The following DLGAP1 variants were observed in gnomAD, a reference collection of about 807,000 sequenced individuals.
DLGAP1 encodes the protein DLG associated protein 1.
Under a neutral mutation model 90.8 loss-of-function variants are expected in DLGAP1, and 11 were observed. That is an observed-to-expected ratio of 0.12 (90% CI 0.08 to 0.20). The LOEUF (loss-of-function observed/expected upper bound fraction) is 0.20, where lower values mean the gene tolerates loss of function less well. Ranked by LOEUF, DLGAP1 falls within the 10% of genes least tolerant of loss-of-function variation. The pLI, the probability that DLGAP1 is intolerant of heterozygous loss-of-function variation, is 1.00. For missense variants in DLGAP1, 1,050 were observed against 1,333.8 expected, an observed-to-expected ratio of 0.79 and a Z score of 3.31; for synonymous variants, 558 against 540.7, an observed-to-expected ratio of 1.03 and a Z score of -0.44.
intron 7 of DLGAP1, chr18:3,722,182 T>C (rs1449070801): frequency 6.6e-6 from 1 of 152,146 alleles, no homozygotes; most frequent in African/African-American, 2.4e-5. Context: ...TGGGCAAAGG[T>C]GGACTTGCTT....
intron 8 of DLGAP1, among the ~76,000 whole-genome samples, chr18:3,576,055 C>T (rs985843291): frequency 6.6e-6 from 1 of 152,162 alleles, no homozygotes; most frequent in Admixed American, 6.5e-5. Flanking sequence ...TGTCTAGCAG[C>T]CTCGAGCCCA....
intron 1 of DLGAP1, among the ~76,000 whole-genome samples, chr18:4,210,528 T>C (rs1245725728): frequency 6.6e-6 from 1 of 152,184 alleles, no homozygotes; most frequent in East Asian, 1.9e-4. Flanking sequence ...GAACAGACTT[T>C]TTCACATGAT....
intron 1 of DLGAP1, among the ~76,000 whole-genome samples, chr18:4,279,567 G>C (rs1023962261): frequency 6.6e-5 from 10 of 152,168 alleles, no homozygotes; most frequent in African/African-American, 2.4e-4. Flanking sequence ...TAAAACAAGT[G>C]ATCTGTTTTC....
At chr18:3,777,405 T>C (rs919963178) in intron 5 of DLGAP1, among the ~76,000 whole-genome samples, 1 of 152,122 alleles carries the variant, frequency 6.6e-6, no homozygotes, top group African/African-American at 2.4e-5. Flanking sequence ...CTGAATATGT[T>C]AGAGACAAAA....
At chr18:3,963,509 G>A (rs1250820602) in intron 3 of DLGAP1, among the ~76,000 whole-genome samples, 2 of 151,394 alleles carry the variant, frequency 1.3e-5, no homozygotes, top group Non-Finnish European at 2.9e-5. Context: ...TTGTCTCTGA[G>A]CTTCTCTCCT....
At chr18:3,864,706 A>G (rs559254442) in intron 4 of DLGAP1, among the ~76,000 whole-genome samples, 1 of 152,258 alleles carries the variant, frequency 6.6e-6, no homozygotes, top group African/African-American at 2.4e-5. Context: ...ACTATTCTGC[A>G]TTGTTGTCTG....
intron 3 of DLGAP1, among the ~76,000 whole-genome samples, chr18:3,886,633 C>G (rs911468062): frequency 3.3e-5 from 5 of 152,112 alleles, no homozygotes; most frequent in African/African-American, 1.2e-4. Flanking sequence ...TTCTAACTCT[C>G]TATCTCTCAA....
At chr18:3,940,089 C>A (rs894275538) in intron 3 of DLGAP1, among the ~76,000 whole-genome samples, 1 of 152,164 alleles carries the variant, frequency 6.6e-6, no homozygotes, top group Non-Finnish European at 1.5e-5. Flanking sequence ...ATTCCTTATT[C>A]TCTTGGATCA....
rs1280123148 is a variant in DLGAP1 at position 3,832,681 on chromosome 18, T to C, written c.958-18408A>G. On this transcript the variant is annotated intron_variant, in intron 4 of 12. Transcript: ENST00000315677. ...ACAGAGAACCTTCTTTTTTTTTTTTTCCCAGGAGGGAACATAATTCTAAGT... is the reference window on the plus strand; with the variant it reads ...ACAGAGAACCTTCTTTTTTTTTTTTCCCCAGGAGGGAACATAATTCTAAGT... 5.3e-5 allele frequency among the ~76,000 whole-genome samples: 8 copies of C among 152,180 alleles called. No homozygotes were observed. In the East Asian group the frequency reaches 5.8e-4, roughly 11 times the overall value.
chr18:4,258,913 T>G (rs2078950319), intron 1 of DLGAP1, among the ~76,000 whole-genome samples: 1 of 152,180 alleles, frequency 6.6e-6, no homozygotes, highest in African/African-American at 2.4e-5. Flanking sequence ...ACCCTTCATC[T>G]TCCTACACTC....
At chr18:4,064,416 TC>T (rs999272583) in intron 2 of DLGAP1, among the ~76,000 whole-genome samples, 2 of 138,018 alleles carry the variant, frequency 1.4e-5, no homozygotes, top group African/African-American at 5.8e-5. Flanking sequence ...ACGAGATTTT[TC>T]TTGAAAAAAT....
chr18:3,805,740 TA>T (rs1371590321), intron 5 of DLGAP1, among the ~76,000 whole-genome samples: 1 of 152,266 alleles, frequency 6.6e-6, no homozygotes, highest in East Asian at 1.9e-4. Flanking sequence ...AAAGATCTTA[TA>T]TAGATATTTT....
rs2058076920 is a variant in DLGAP1 at position 3,620,999 on chromosome 18, A to G, written c.1592-38751T>C. Among the ~76,000 whole-genome samples the G allele has an allele frequency of 2.0e-5, 3 of 152,194 alleles. No homozygotes were observed. The South Asian group carries it at 6.2e-4, about 31-fold the overall frequency. On this transcript the variant is annotated intron_variant, in intron 7 of 12. Transcript: ENST00000315677. The stretch of plus-strand genomic sequence containing the variant: ...CTGGGAACACGTGGGTCAAATCCTC[A>G]GGCTCCACCCAGGACTACTGGGTCA...
intron 1 of DLGAP1, among the ~76,000 whole-genome samples, chr18:4,220,844 T>C (rs1445586430): frequency 6.6e-6 from 1 of 152,168 alleles, no homozygotes; most frequent in East Asian, 1.9e-4. Context: ...CAATGCAATA[T>C]ATAATGATAT....
chr18:3,613,216 A>G (rs1430591628), intron 7 of DLGAP1, among the ~76,000 whole-genome samples: 1 of 152,212 alleles, frequency 6.6e-6, no homozygotes, highest in Admixed American at 6.5e-5. Context: ...TTCAGGTTAC[A>G]TGAATTGTTG....
chr18:4,080,885 A>T (rs1598364481), intron 2 of DLGAP1, among the ~76,000 whole-genome samples: 1 of 128,646 alleles, frequency 7.8e-6, no homozygotes. Context: ...ATAGATTTGA[A>T]TGCCCTTTTT....
At chr18:3,871,163 A>G (rs949486687) in intron 4 of DLGAP1, among the ~76,000 whole-genome samples, 20 of 152,254 alleles carry the variant, frequency 1.3e-4, no homozygotes, top group African/African-American at 4.6e-4. Flanking sequence ...GCCAGGTTCC[A>G]CTGGCAAGAT....
intron 1 of DLGAP1, among the ~76,000 whole-genome samples, chr18:4,406,221 G>T (rs12968953): frequency 0.15 from 22,339 of 152,198 alleles, 1,969 homozygotes; most frequent in African/African-American, 0.23. Context: ...CTGATTGGTT[G>T]TGGGAGTGGA....
At chr18:3,749,124 TTCC>T (rs1273735718) in intron 5 of DLGAP1, among the ~76,000 whole-genome samples, 1 of 150,396 alleles carries the variant, frequency 6.6e-6, no homozygotes, top group Non-Finnish European at 1.5e-5. Context: ...CCTCCTCCTC[TTCC>T]TCCTCCTCCT....
Sources: gnomAD v4.1 joint callset for allele counts (sites outside exome capture counted in the v4.1 genomes callset) on GRCh38, gnomAD v4.1.1 for gene constraint, MANE v1.5 for transcripts, NCBI Gene and HGNC (gene_info 2026-07-23, HGNC 2026-07-21) for gene names.